ADGRF5: variants seen among roughly 807,000 people sequenced by gnomAD.
The protein encoded by ADGRF5 is adhesion G protein-coupled receptor F5, also known as G-protein coupled receptor 116.
A neutral mutation model predicts 132.3 loss-of-function variants in ADGRF5; 75 were observed. The observed-to-expected ratio is 0.57, with a 90% CI of 0.47 to 0.69. The LOEUF is 0.69. Ranked by LOEUF, ADGRF5 falls within the 30% of genes least tolerant of loss-of-function variation. The pLI, the probability that ADGRF5 is intolerant of heterozygous loss-of-function variation, is 0.00. For missense variants in ADGRF5, 1,516 were observed against 1,630.6 expected, an observed-to-expected ratio of 0.93 and a Z score of 1.21; for synonymous variants, 629 against 597.6, an observed-to-expected ratio of 1.05 and a Z score of -0.77.
chr6:46,880,571 A>C (rs1303288969), intron 8 of ADGRF5, among the ~76,000 whole-genome samples: 1 of 152,150 alleles, frequency 6.6e-6, no homozygotes, highest in Non-Finnish European at 1.5e-5. Flanking sequence ...TAAGAGTGGG[A>C]GCTTTATAGA....
chr6:46,872,581 CTA>C (rs1447166921), intron 10 of ADGRF5, among the ~76,000 whole-genome samples: 1 of 152,198 alleles, frequency 6.6e-6, no homozygotes, highest in Non-Finnish European at 1.5e-5. Context: ...GTTTAAATCT[CTA>C]TGTTTTAGTG....
intron 1 of ADGRF5, among the ~76,000 whole-genome samples, chr6:46,909,602 T>A (rs1034014865): frequency 3.3e-5 from 5 of 152,216 alleles, no homozygotes; most frequent in Admixed American, 6.5e-5. Context: ...GAAGCCACCA[T>A]TAATGGCATT....
At chr6:46,953,287 A>G (rs1778566687) in intron 1 of ADGRF5, among the ~76,000 whole-genome samples, 1 of 152,096 alleles carries the variant, frequency 6.6e-6, no homozygotes, top group African/African-American at 2.4e-5. Context: ...CTTGGACTAC[A>G]CTTTAGGTAG....
intron 1 of ADGRF5, 130 bp from the exon 2 acceptor site, chr6:46,906,916 G>A (rs1168349298): frequency 1.4e-5 from 9 of 639,150 alleles, no homozygotes; most frequent in Non-Finnish European, 2.5e-5. Flanking sequence ...AAGGAAGGAG[G>A]AGCATGAAGG....
intron 1 of ADGRF5, among the ~76,000 whole-genome samples, chr6:46,936,411 C>A (rs1352138612): frequency 1.3e-5 from 2 of 152,172 alleles, no homozygotes; most frequent in African/African-American, 4.8e-5. Context: ...AACCTGCCTT[C>A]CTCGAAATAT....
At chr6:46,922,790 C>G (rs1162595232), upstream of ADGRF5, among the ~76,000 whole-genome samples, 1 of 152,206 alleles carries the variant, frequency 6.6e-6, no homozygotes, top group Non-Finnish European at 1.5e-5. Context: ...GAGTCCCATG[C>G]AGGTAGTCCC....
At chr6:46,940,740 A>C (rs1778016951) in intron 1 of ADGRF5, among the ~76,000 whole-genome samples, 1 of 152,236 alleles carries the variant, frequency 6.6e-6, no homozygotes. Context: ...TTAAAATTCC[A>C]AAGATCCCTA....
chr6:46,877,653 C>A (rs1377706139), intron 10 of ADGRF5, among the ~76,000 whole-genome samples: 1 of 151,794 alleles, frequency 6.6e-6, no homozygotes, highest in African/African-American at 2.4e-5. Context: ...AAAACAAAAG[C>A]TAACAGGATC....
At chr6:46,868,366 C>T (rs1461682359) in intron 12 of ADGRF5, among the ~76,000 whole-genome samples, 1 of 152,240 alleles carries the variant, frequency 6.6e-6, no homozygotes, top group African/African-American at 2.4e-5. Flanking sequence ...GTGCCTATCA[C>T]ATAGTTAAGG....
chr6:46,854,154 G>A lies in ADGRF5; in HGVS notation c.3962-83C>T, dbSNP rs1017816698. 4 of 954,778 alleles carry A rather than the reference G, an allele frequency of 4.2e-6. No individual in the cohort carries two copies. The Admixed American group carries it at 7.9e-5, about 19-fold the overall frequency. 59.1% of individuals were successfully genotyped at this position (954,778 alleles called of 1,614,324 possible). On this transcript the variant is annotated intron_variant, in intron 20 of 20. Coordinates refer to ENST00000283296, the MANE Select transcript of ADGRF5 (RefSeq NM_001098518.2). Reference sequence around the variant, plus strand: ...TGAACATCTCCTAAGGGACCCAGGGGAGCAGTGGTCCAGGTGCCAGGTAAG... The same window carrying A: ...TGAACATCTCCTAAGGGACCCAGGGAAGCAGTGGTCCAGGTGCCAGGTAAG...
intron 10 of ADGRF5, 22 bp downstream of exon 10, chr6:46,878,180 A>C (rs368945186): frequency 6.5e-6 from 10 of 1,537,860 alleles, no homozygotes; most frequent in Non-Finnish European, 9.0e-6. Context: ...TATTTGCAAA[A>C]GGGCTTATCT....
intron 1 of ADGRF5, among the ~76,000 whole-genome samples, chr6:46,954,324 A>G (rs10456562): frequency 0.066 from 10,040 of 152,006 alleles, 488 homozygotes; most frequent in African/African-American, 0.14. Context: ...TCTCTGTCAA[A>G]TCTACTATTT....
Position 46,860,783 on chromosome 6 carries a change from C to T in ADGRF5, c.2311G>A (p.Gly771Arg). ...AGATCAAGGATGTTAATAATGGCTC[C>T]CAGACTCCCAGGAGAAGAGCTGATT... ...HEISSSPGSLGAIINILDLLS... is the reference protein window; with the variant it reads ...HEISSSPGSLRAIINILDLLS... The change falls in exon 16 of 21, where the codon GGA becomes AGA. Residue 771 changes from glycine to arginine, a missense_variant. Physicochemically the swap from Gly to Arg is moderately radical, Grantham distance 125 (BLOSUM62 -2). Transcript: ENST00000283296. 1 of 1,613,574 alleles carries T rather than the reference C, an allele frequency of 6.2e-7. No individual in the cohort carries two copies. The highest frequency in any genetic ancestry group is 8.5e-7 in the Non-Finnish European group (1 of 1,179,494).
rs1251477766 is a variant in ADGRF5, at chr6:46,865,123, T to C, written c.1909A>G (p.Thr637Ala). Reference sequence around the variant, plus strand: ...GTAAAGTGACAACACACATCAACAGTTTTTGAACACCAGGAAACTGAGCTT... The same window carrying C: ...GTAAAGTGACAACACACATCAACAGCTTTTGAACACCAGGAAACTGAGCTT... ...NASSVSWCSK[T>A]VDVCCHFTNA... Residue 637 changes from threonine (T) to alanine (A), a missense_variant, in exon 14 of 21, where the codon ACT becomes GCT. Thr to Ala is a moderately conservative substitution (Grantham distance 58, BLOSUM62 0). Coordinates refer to ENST00000283296, the MANE Select transcript of ADGRF5 (RefSeq NM_001098518.2). The C allele has an allele frequency of 1.2e-6, 2 of 1,610,796 alleles. No homozygotes were observed. Among genetic ancestry groups the C allele is most frequent in the Admixed American group, 3.3e-5 (2 of 60,010 alleles).
chr6:46,937,208 A>T (rs1221679326), intron 1 of ADGRF5, among the ~76,000 whole-genome samples: 1 of 143,368 alleles, frequency 7.0e-6, no homozygotes, highest in Non-Finnish European at 1.5e-5. Flanking sequence ...GAAGCAAGGT[A>T]CAGGCAATAA....
rs1771889128 is a variant in ADGRF5 at position 46,877,322 on chromosome 6, CTT to C, written c.1240+878_1240+879del. ...CTCTCTCTCTTTCCTTCCTTCCTTCCTTCTTTCTTTCTTTCTTTCTTTCTTTC... is the reference window on the plus strand; with the variant it reads ...CTCTCTCTCTTTCCTTCCTTCCTTCCCTTTCTTTCTTTCTTTCTTTCTTTC... On this transcript the variant is annotated intron_variant, in intron 10 of 20. Transcript: ENST00000283296. Among the ~76,000 whole-genome samples the C allele has an allele frequency of 5.9e-4, 18 of 30,314 alleles. 1 individual carries two copies. Among genetic ancestry groups the C allele is most frequent in the African/African-American group, 2.7e-3 (18 of 6,594 alleles). 19.9% of individuals were successfully genotyped at this position (30,314 alleles called of 152,430 possible). A position where few individuals can be genotyped will look rare whatever the true frequency, so the allele number is the denominator to read the frequency against.
At chr6:46,890,295 G>A (rs1773516851) in intron 3 of ADGRF5, among the ~76,000 whole-genome samples, 1 of 151,940 alleles carries the variant, frequency 6.6e-6, no homozygotes, top group African/African-American at 2.4e-5. Flanking sequence ...GTTTCGCCAT[G>A]TTGCCCAGGC....
chr6:46,911,449 A>T (rs142926333), intron 1 of ADGRF5, among the ~76,000 whole-genome samples: 2,715 of 152,326 alleles, frequency 0.018, 39 homozygotes, highest in South Asian at 0.044. Context: ...TGTTTGGCGA[A>T]ACCAAAATAA....
rs1456921731 is a variant in ADGRF5 at position 46,884,267 on chromosome 6, G to A, written c.333C>T (p.Cys111=). 6.2e-7 allele frequency: 1 copy of A among 1,612,528 alleles called. No homozygotes were observed. The highest frequency in any genetic ancestry group is 8.5e-7 in the Non-Finnish European group (1 of 1,178,720). ...ACCAGATTTCATTTCCAGCAGGTCT[G>A]CAGACTATCGTTAATCAGAACAGCA... ...DILSINVTTV[C]RPAGNEIWCS... is the part of the protein sequence containing the mutation. Residue 111 remains cysteine, a synonymous_variant, in exon 5 of 21, where the codon TGC becomes TGT. Transcript: ENST00000283296.
Sources: allele counts gnomAD v4.1 joint callset (sites outside exome capture counted in the v4.1 genomes callset), GRCh38; gene constraint gnomAD v4.1.1; transcripts MANE v1.5; gene names NCBI Gene and HGNC (gene_info 2026-07-23, HGNC 2026-07-21).